Variants in PRDX1 observed in about 807,000 individuals in gnomAD.
The protein encoded by PRDX1 is peroxiredoxin 1, also known as peroxiredoxin-1.
PRDX1 carries 19 observed loss-of-function variants against 20.7 expected under a neutral mutation model. The ratio of observed to expected loss-of-function variants is 0.92; its 90% CI spans 0.64 to 1.35. The LOEUF (loss-of-function observed/expected upper bound fraction) is 1.35. Among genes scored for constraint, PRDX1 ranks in the 40% most tolerant of loss-of-function variants. PRDX1 has a pLI of 0.00. For missense variants in PRDX1, 226 were observed against 240.0 expected, an observed-to-expected ratio of 0.94 and a Z score of 0.38; for synonymous variants, 89 against 83.9, an observed-to-expected ratio of 1.06 and a Z score of -0.33.
chr1:45,514,743 C>T, intron 4 of PRDX1, 106 bp from the exon 5 acceptor site: 2 of 1,566,458 alleles, frequency 1.3e-6, no homozygotes, highest in Non-Finnish European at 1.7e-6. Context: ...CACACTCCTA[C>T]TGGCCTGGCC....
chr1:45,519,886 C>T (rs1006381859), intron 1 of PRDX1, among the ~76,000 whole-genome samples: 5 of 152,162 alleles, frequency 3.3e-5, no homozygotes, highest in African/African-American at 4.8e-5. Context: ...CGTGAGCCAC[C>T]GCGCCCTTCC....
chr1:45,521,590 G>C (rs1643913999), intron 1 of PRDX1: 1 of 152,132 alleles, frequency 6.6e-6, no homozygotes, highest in Non-Finnish European at 1.5e-5. Context: ...GGGAAGACTC[G>C]ACTCGAGTCC....
chr1:45,513,637 T>C (rs532794840), intron 5 of PRDX1, among the ~76,000 whole-genome samples: 1 of 152,288 alleles, frequency 6.6e-6, no homozygotes, highest in East Asian at 1.9e-4. Flanking sequence ...TGTAACCTTA[T>C]CCCCAACCCT....
rs1643883629 is a variant in PRDX1, at chr1:45,518,830, T to C, written c.106+108A>G. On this transcript the variant is annotated intron_variant, in intron 2 of 5. Coordinates refer to ENST00000319248, the MANE Select transcript of PRDX1 (RefSeq NM_181697.3). ...AGGTAACAACCTAAATACTTCTTCC[T>C]AGGAGACAAAACATTTTACAGTCAA... The C allele has an allele frequency of 2.3e-5, 23 of 1,000,338 alleles. No individual in the cohort carries two copies. In the South Asian group the frequency reaches 3.0e-4, roughly 13 times the overall value. The allele number at this position is 1,000,338 out of a possible 1,614,324, so 62.0% of individuals were successfully genotyped here.
At chr1:45,513,917 C>T (rs1259025863) in intron 5 of PRDX1, among the ~76,000 whole-genome samples, 12 of 152,152 alleles carry the variant, frequency 7.9e-5, no homozygotes, top group Non-Finnish European at 1.8e-4. Context: ...CGGGGTCCCC[C>T]AGCCTGACAC....
At chr1:45,519,199 CTCCAGCCAGCAG>C (rs1406200293) in intron 1 of PRDX1, 145 bp from the exon 2 acceptor site, 1 of 574,264 alleles carries the variant, frequency 1.7e-6, no homozygotes, top group Non-Finnish European at 3.0e-6. Flanking sequence ...TAGTAAGAAG[CTCCAGCCAGCAG>C]TCAAGGGTCA....
At position 45,516,693 on chromosome 1, in the gene PRDX1, T is replaced by C. The variant is rs373812717; in HGVS notation, c.107-886A>G. The stretch of plus-strand genomic sequence containing the variant: ...TTCCAAATATTCACTCATTTCCAGG[T>C]AGCAGCAATGTTTGAAAAGTCAAAC... On this transcript the variant is annotated intron_variant, in intron 2 of 5. Transcript: ENST00000319248. Among the ~76,000 whole-genome samples the C allele has an allele frequency of 7.2e-5, 11 of 152,168 alleles. No individual in the cohort carries two copies. The East Asian group carries it at 1.5e-3, about 21-fold the overall frequency.
chr1:45,521,219 G>A (rs535578557), intron 1 of PRDX1, among the ~76,000 whole-genome samples: 1 of 152,218 alleles, frequency 6.6e-6, no homozygotes, highest in Non-Finnish European at 1.5e-5. Flanking sequence ...CCCTTCAGGG[G>A]ATCTGCCCAG....
chr1:45,516,326 G>C (rs1416839216), intron 2 of PRDX1, among the ~76,000 whole-genome samples: 1 of 152,172 alleles, frequency 6.6e-6, no homozygotes, highest in African/African-American at 2.4e-5. Context: ...TGCCTGACAG[G>C]ACAGGAAAAA....
intron 5 of PRDX1, among the ~76,000 whole-genome samples, chr1:45,513,735 A>T (rs1643800808): frequency 6.6e-6 from 1 of 152,206 alleles, no homozygotes; most frequent in South Asian, 2.1e-4. Flanking sequence ...AAATGCTTGA[A>T]GGCAGCATGC....
Position 45,511,283 on chromosome 1 carries a change from T to C in PRDX1, c.*46A>G, listed in dbSNP as rs1290949681. On this transcript the variant is annotated 3_prime_UTR_variant, in exon 6 of 6. Coordinates refer to ENST00000319248, the MANE Select transcript of PRDX1 (RefSeq NM_181697.3). ...AAAAAAAAATACAGAAGAGGTTTTG[T>C]TCTCATGGCTGCCCACCGCAGCCTG... 5 of 1,459,658 alleles carry C rather than the reference T, an allele frequency of 3.4e-6. No homozygotes were observed. The highest frequency in any genetic ancestry group is 2.2e-5 in the Admixed American group (1 of 46,338). The allele number at this position is 1,459,658 out of a possible 1,614,324, so 90.4% of individuals were successfully genotyped here. A position where few individuals can be genotyped will look rare whatever the true frequency, so the allele number is the denominator to read the frequency against.
At chr1:45,515,845 C>T in intron 2 of PRDX1, 38 bp from the exon 3 acceptor site, 2 of 1,503,202 alleles carry the variant, frequency 1.3e-6, no homozygotes, top group Non-Finnish European at 1.8e-6. Context: ...GCATTTGACA[C>T]AGACTTCCTT....
intron 4 of PRDX1, 106 bp from the exon 5 acceptor site, chr1:45,514,743 C>A: frequency 1.3e-6 from 2 of 1,566,456 alleles, no homozygotes; most frequent in Non-Finnish European, 1.7e-6. Context: ...CACACTCCTA[C>A]TGGCCTGGCC....
intron 2 of PRDX1, among the ~76,000 whole-genome samples, chr1:45,516,100 T>G (rs757483506): frequency 6.6e-6 from 1 of 152,248 alleles, no homozygotes; most frequent in Non-Finnish European, 1.5e-5. Flanking sequence ...AAAATTAACA[T>G]AAACACCAAG....
At chr1:45,515,620 A>T in intron 3 of PRDX1, 34 bp downstream of exon 3, 1 of 1,494,320 alleles carries the variant, frequency 6.7e-7, no homozygotes, top group Non-Finnish European at 8.9e-7. Context: ...AAAAAAAAAA[A>T]AAGTTCACAT....
intron 2 of PRDX1, among the ~76,000 whole-genome samples, chr1:45,517,238 C>G (rs944458847): frequency 3.3e-5 from 5 of 152,118 alleles, no homozygotes; most frequent in Non-Finnish European, 1.5e-5. Context: ...TGCAACTTAC[C>G]TTGTTTGCTG....
At position 45,515,800 on chromosome 1, in the gene PRDX1, A is replaced by G. The variant is rs145270179; in HGVS notation, c.114T>C (p.Tyr38=). The G allele has an allele frequency of 3.6e-5, 56 of 1,559,050 alleles. No homozygotes were observed. In the African/African-American group the frequency reaches 5.9e-4, roughly 16 times the overall value. The change falls in exon 3 of 6, where the codon TAT becomes TAC. Residue 38 remains tyrosine, a synonymous_variant. Coordinates refer to ENST00000319248, the MANE Select transcript of PRDX1 (RefSeq NM_181697.3). The stretch of plus-strand genomic sequence containing the variant: ...CAAGAGGGTAAAAGAAGAACACAAC[A>G]TATTTTCCTGGGGGGAAAATCGGAG... ...DISLSDYKGK[Y]VVFFFYPLDF...
Position 45,518,997 on chromosome 1 carries a change from T to G in PRDX1, c.47A>C (p.Lys16Thr). The G allele has an allele frequency of 6.2e-7, 1 of 1,604,272 alleles. No homozygotes were observed. Among genetic ancestry groups the G allele is most frequent in the Non-Finnish European group, 8.5e-7 (1 of 1,177,006 alleles). The change falls in exon 2 of 6, where the codon AAA (lysine) becomes ACA (threonine). Residue 16 changes from lysine (K) to threonine (T), a missense_variant. By Grantham distance (78) the Lys-to-Thr change is moderately conservative (BLOSUM62 -1). Transcript: ENST00000319248. ...ACCATCTGGCATAACAGCTGTGGCTTTGAAGTTGGGGGCAGGGTGCCCAAT... is the reference window on the plus strand; with the variant it reads ...ACCATCTGGCATAACAGCTGTGGCTGTGAAGTTGGGGGCAGGGTGCCCAAT... ...AKIGHPAPNFKATAVMPDGQF... is the reference protein window; with the variant it reads ...AKIGHPAPNFTATAVMPDGQF...
At chr1:45,521,085 G>C (rs1570857067) in intron 1 of PRDX1, among the ~76,000 whole-genome samples, 1 of 152,226 alleles carries the variant, frequency 6.6e-6, no homozygotes, top group East Asian at 1.9e-4. Flanking sequence ...AAAAACTAAG[G>C]CATGCTGCAA....
Sources: gnomAD v4.1 joint callset for allele counts (sites outside exome capture counted in the v4.1 genomes callset) on GRCh38, gnomAD v4.1.1 for gene constraint, MANE v1.5 for transcripts, NCBI Gene and HGNC (gene_info 2026-07-23, HGNC 2026-07-21) for gene names.